The following IGF1R variants were observed in gnomAD, a reference collection of about 807,000 sequenced individuals.
The protein encoded by IGF1R is insulin-like growth factor 1 receptor.
In IGF1R, 44 loss-of-function variants were observed where a neutral mutation model predicts 144.6. The observed-to-expected ratio is 0.30, with a 90% confidence interval of 0.24 to 0.39. The LOEUF is 0.39. Ranked by LOEUF, IGF1R falls within the 10% of genes least tolerant of loss-of-function variation. The probability of loss-of-function intolerance (pLI) is 1.00; values close to 1 mark genes in which losing one functional copy is unlikely to be tolerated. For missense variants in IGF1R, 1,355 were observed against 1,833.7 expected, an observed-to-expected ratio of 0.74 and a Z score of 4.77; for synonymous variants, 795 against 722.8, an observed-to-expected ratio of 1.10 and a Z score of -1.60.
chr15:98,767,603 T>G (rs780195148), intron 2 of IGF1R, among the ~76,000 whole-genome samples: 1 of 152,256 alleles, frequency 6.6e-6, no homozygotes, highest in South Asian at 2.1e-4. Flanking sequence ...ATCTGCAGTT[T>G]GCAAGTGCAG....
intron 1 of IGF1R, among the ~76,000 whole-genome samples, chr15:98,695,210 C>T (rs1201795958): frequency 6.6e-6 from 1 of 152,184 alleles, no homozygotes; most frequent in African/African-American, 2.4e-5. Context: ...AAGTCAGTTT[C>T]ATTCCTTTAC....
rs897805428 is a variant in IGF1R, at chr15:98,962,586, G to A, written c.*5144G>A. On this transcript the variant is annotated 3_prime_UTR_variant, in exon 21 of 21. Transcript: ENST00000650285. ...TGGCCTTCATCTTAGATGACTGGTT[G>A]CGTCATTTGGAGAAGTGAGTGCTCC... 4 of 233,700 alleles carry A rather than the reference G, an allele frequency of 1.7e-5. No individual in the cohort carries two copies. Among genetic ancestry groups the A allele is most frequent in the Non-Finnish European group, 2.5e-5 (3 of 118,136 alleles). 14.5% of individuals were successfully genotyped at this position (233,700 alleles called of 1,614,324 possible). A position where few individuals can be genotyped will look rare whatever the true frequency, so the allele number is the denominator to read the frequency against.
chr15:98,793,934 C>T (rs1322122333), intron 2 of IGF1R, among the ~76,000 whole-genome samples: 1 of 152,112 alleles, frequency 6.6e-6, no homozygotes, highest in Non-Finnish European at 1.5e-5. Context: ...CAAAAAGGCA[C>T]AAAATGAGGG....
intron 5 of IGF1R, among the ~76,000 whole-genome samples, chr15:98,902,016 G>A (rs1415908801): frequency 1.3e-5 from 2 of 152,200 alleles, no homozygotes. Context: ...AGGAGTGTTA[G>A]CAGAGCTGTC....
chr15:98,845,305 A>C (rs955122135), intron 2 of IGF1R, among the ~76,000 whole-genome samples: 2 of 152,088 alleles, frequency 1.3e-5, no homozygotes, highest in African/African-American at 4.8e-5. Context: ...GGCTTTGTGC[A>C]TATGTAATTT....
chr15:98,711,885 ACTGT>A (rs904974775), intron 2 of IGF1R, among the ~76,000 whole-genome samples: 1 of 152,170 alleles, frequency 6.6e-6, no homozygotes, highest in African/African-American at 2.4e-5. Flanking sequence ...TACCAGATTA[ACTGT>A]CTGGGGAGGG....
chr15:98,939,020 G>A (rs1486829417), intron 17 of IGF1R, among the ~76,000 whole-genome samples, 181 bp from the exon 18 acceptor site: 2 of 152,160 alleles, frequency 1.3e-5, no homozygotes, highest in Non-Finnish European at 1.5e-5. Context: ...AAGCTTGCGG[G>A]GAGCAAGCAG....
intron 2 of IGF1R, among the ~76,000 whole-genome samples, chr15:98,781,641 G>A (rs1249423968): frequency 2.0e-5 from 3 of 151,784 alleles, no homozygotes; most frequent in Non-Finnish European, 4.4e-5. Context: ...AGCCTTTTTT[G>A]GTAAATAGTA....
intron 2 of IGF1R, among the ~76,000 whole-genome samples, chr15:98,772,074 T>G (rs1317353868): frequency 2.0e-5 from 3 of 152,118 alleles, no homozygotes; most frequent in South Asian, 4.1e-4. Flanking sequence ...ATACACACAC[T>G]GGCCAGTGAG....
intron 2 of IGF1R, among the ~76,000 whole-genome samples, chr15:98,760,928 T>G (rs2055280399): frequency 6.6e-6 from 1 of 152,278 alleles, no homozygotes; most frequent in Non-Finnish European, 1.5e-5. Flanking sequence ...TTTCGATGTC[T>G]AATTTATGAA....
intron 2 of IGF1R, among the ~76,000 whole-genome samples, chr15:98,741,039 T>C (rs1394440799): frequency 9.0e-6 from 1 of 110,916 alleles, no homozygotes; most frequent in African/African-American, 3.1e-5. Context: ...TGATAATGTT[T>C]AACATTTTAT....
intron 2 of IGF1R, among the ~76,000 whole-genome samples, chr15:98,837,146 G>A (rs1185711567): frequency 6.6e-6 from 1 of 152,120 alleles, no homozygotes; most frequent in East Asian, 1.9e-4. Flanking sequence ...GCAGGGGAGT[G>A]CAGCCTCAGA....
intron 2 of IGF1R, among the ~76,000 whole-genome samples, chr15:98,857,017 T>G (rs919745649): frequency 8.9e-5 from 13 of 145,654 alleles, no homozygotes; most frequent in African/African-American, 3.0e-4. Flanking sequence ...GGGTGAGAGA[T>G]TTTTTTTTTT....
At chr15:98,663,770 G>A (rs936122822) in intron 1 of IGF1R, among the ~76,000 whole-genome samples, 7 of 152,312 alleles carry the variant, frequency 4.6e-5, no homozygotes, top group Admixed American at 2.0e-4. Flanking sequence ...GGTGGCCCCC[G>A]CTACCCTGAA....
chr15:98,826,868 A>C (rs906864207), intron 2 of IGF1R, among the ~76,000 whole-genome samples: 1 of 152,220 alleles, frequency 6.6e-6, no homozygotes, highest in Non-Finnish European at 1.5e-5. Context: ...TAGGCAATAA[A>C]GTATTAAGAG....
chr15:98,784,943 A>T (rs2055955090), intron 2 of IGF1R, among the ~76,000 whole-genome samples: 1 of 152,188 alleles, frequency 6.6e-6, no homozygotes, highest in Non-Finnish European at 1.5e-5. Flanking sequence ...ATACTGAGGG[A>T]TGACTGTATT....
intron 2 of IGF1R, among the ~76,000 whole-genome samples, chr15:98,792,276 T>C (rs1240197304): frequency 2.0e-5 from 3 of 152,152 alleles, no homozygotes; most frequent in Admixed American, 6.5e-5. Context: ...GGTAGCTATT[T>C]ATCTCAGCAA....
chr15:98,933,915 A>G (rs12442170), intron 15 of IGF1R, among the ~76,000 whole-genome samples: 50,230 of 152,084 alleles, frequency 0.33, 9,240 homozygotes, highest in Non-Finnish European at 0.42. Context: ...GGACACTTGG[A>G]CTAGAGTAAT....
At chr15:98,905,097 C>T (rs1453014683) in intron 5 of IGF1R, among the ~76,000 whole-genome samples, 1 of 152,174 alleles carries the variant, frequency 6.6e-6, no homozygotes, top group East Asian at 1.9e-4. Flanking sequence ...GGAGATGAGG[C>T]TCAGACCTGA....
Sources: allele counts gnomAD v4.1 joint callset (sites outside exome capture counted in the v4.1 genomes callset), GRCh38; gene constraint gnomAD v4.1.1; transcripts MANE v1.5; gene names NCBI Gene and HGNC (gene_info 2026-07-23, HGNC 2026-07-21).